Variants in FCAR observed in about 807,000 individuals in gnomAD.
The protein encoded by FCAR is immunoglobulin alpha Fc receptor.
A neutral mutation model predicts 27.1 loss-of-function variants in FCAR; 21 were observed. That is an observed-to-expected ratio of 0.77 (90% CI 0.55 to 1.11). The LOEUF (loss-of-function observed/expected upper bound fraction) is 1.11. Ranked by LOEUF, FCAR falls within the 50% of genes most tolerant of loss-of-function variation. The pLI is 0.00. For synonymous variants in FCAR, 134 were observed against 135.8 expected (o/e 0.99, Z 0.09); for missense variants, 404 against 358.4 (o/e 1.13, Z -1.03).
Position 54,887,913 on chromosome 19 carries a change from A to T in FCAR, c.362-94A>T, listed in dbSNP as rs931873662. The T allele has an allele frequency of 7.8e-6, 8 of 1,032,244 alleles. No individual in the cohort carries two copies. The African/African-American group carries it at 1.3e-4, about 17-fold the overall frequency. 63.9% of individuals were successfully genotyped at this position (1,032,244 alleles called of 1,614,324 possible). ...GCTTGGGCAATAAGAGCGAAACTCC[A>T]TCTCAAAAAAATATATAATAATAAC... On this transcript the variant is annotated intron_variant, in intron 3 of 4. Coordinates refer to ENST00000355524, the MANE Select transcript of FCAR (RefSeq NM_002000.4).
At chr19:54,874,354 G>T in intron 1 of FCAR, 31 bp downstream of exon 1, 1 of 1,610,672 alleles carries the variant, frequency 6.2e-7, no homozygotes, top group Non-Finnish European at 8.5e-7. Flanking sequence ...GGGTTAGAGG[G>T]GAAGATAGAG....
intron 2 of FCAR, among the ~76,000 whole-genome samples, chr19:54,883,576 C>T (rs1003696790): frequency 1.3e-5 from 2 of 152,308 alleles, no homozygotes; most frequent in East Asian, 1.9e-4. Context: ...GGGCTCCTCA[C>T]GGCTTGGTCG....
Position 54,875,335 on chromosome 19 carries a change from T to C in FCAR, c.40T>C (p.Cys14Arg), listed in dbSNP as rs1301526780. 6.2e-7 allele frequency: 1 copy of C among 1,613,820 alleles called. No individual in the cohort carries two copies. Among genetic ancestry groups the C allele is most frequent in the Non-Finnish European group, 8.5e-7 (1 of 1,179,834 alleles). ...KQTTLLCLVL[C>R]LGQRIQAQEG... ...CATAAATCTCTCTCTTCCAGTGCTCTGTCTGGGCCAGAGGATTCAGGCACA... is the reference window on the plus strand; with the variant it reads ...CATAAATCTCTCTCTTCCAGTGCTCCGTCTGGGCCAGAGGATTCAGGCACA... The change falls in exon 2 of 5, where the codon TGT becomes CGT. Residue 14 changes from cysteine to arginine, a missense_variant. Coordinates refer to ENST00000355524, the MANE Select transcript of FCAR (RefSeq NM_002000.4).
At chr19:54,885,118 TA>T in intron 2 of FCAR, 116 bp from the exon 3 acceptor site, 2 of 946,886 alleles carry the variant, frequency 2.1e-6, no homozygotes, top group Non-Finnish European at 3.1e-6. Flanking sequence ...AATTTTTTTT[TA>T]AATAAAGAAT....
chr19:54,874,236 T>C lies in FCAR; in HGVS notation c.-54T>C, dbSNP rs2065966660. 13 of 1,602,760 alleles carry C rather than the reference T, an allele frequency of 8.1e-6. No homozygotes were observed. Among genetic ancestry groups the C allele is most frequent in the Non-Finnish European group, 1.0e-5 (12 of 1,170,582 alleles). ...CTTATTGTCGTAAGAATATCTGTCA[T>C]CCTGCTAATGTGCATTGAAAGGAGA... On this transcript the variant is annotated 5_prime_UTR_variant, in exon 1 of 5. Transcript: ENST00000355524.
At chr19:54,883,476 C>A (rs1207319210) in intron 2 of FCAR, among the ~76,000 whole-genome samples, 1 of 152,122 alleles carries the variant, frequency 6.6e-6, no homozygotes, top group East Asian at 1.9e-4. Context: ...TGTATCCTTC[C>A]CCGGCCAGCC....
chr19:54,889,930 A>G lies in FCAR; in HGVS notation c.*67A>G, dbSNP rs935331665. On this transcript the variant is annotated 3_prime_UTR_variant, in exon 5 of 5. Coordinates refer to ENST00000355524, the MANE Select transcript of FCAR (RefSeq NM_002000.4). ...TCCGACAAAGCTACTTGAAGGACAC[A>G]AGAGAGAAAAGCTCACTAAGAAGCT... 2 of 1,154,938 alleles carry G rather than the reference A, an allele frequency of 1.7e-6. No individual in the cohort carries two copies. Among genetic ancestry groups the G allele is most frequent in the South Asian group, 1.3e-5 (1 of 76,490 alleles). The allele number at this position is 1,154,938 out of a possible 1,614,324, so 71.5% of individuals were successfully genotyped here. A position where few individuals can be genotyped will look rare whatever the true frequency, so the allele number is the denominator to read the frequency against.
At chr19:54,875,181 A>T in intron 1 of FCAR, 149 bp from the exon 2 acceptor site, 1 of 647,846 alleles carries the variant, frequency 1.5e-6, no homozygotes. Context: ...AAAAAAAAAA[A>T]AAAATGCCAG....
At chr19:54,879,553 G>T (rs2066291825) in intron 2 of FCAR, among the ~76,000 whole-genome samples, 1 of 152,136 alleles carries the variant, frequency 6.6e-6, no homozygotes, top group Non-Finnish European at 1.5e-5. Flanking sequence ...CTTTTCATAA[G>T]AACATTAAAT....
At chr19:54,882,423 C>CTTTTTTTTTTTTTT (rs1201630458) in intron 2 of FCAR, among the ~76,000 whole-genome samples, 1 of 69,548 alleles carries the variant, frequency 1.4e-5, no homozygotes. Context: ...TGTGTTGATT[C>CTTTTTTTTTTTTTT]TTTTTTTTTT....
intron 2 of FCAR, among the ~76,000 whole-genome samples, chr19:54,883,957 A>G (rs2145894643): frequency 6.6e-6 from 1 of 152,208 alleles, no homozygotes; most frequent in South Asian, 2.1e-4. Context: ...ACTTCATCTC[A>G]ACAAAAAAAG....
In FCAR at chr19:54,888,042, G is replaced by T. The variant is rs2066847957; in HGVS notation, c.397G>T (p.Gly133Cys). 1 of 1,613,894 alleles carries T rather than the reference G, an allele frequency of 6.2e-7. No homozygotes were observed. The highest frequency in any genetic ancestry group is 1.7e-5 in the Admixed American group (1 of 59,982). ...CAAACCCTTCCTCTCTGCAGATCGG[G>T]GTCTGGTGTTGATGCCAGGAGAGAA... ...YGKPFLSADR[G>C]LVLMPGENIS... The change falls in exon 4 of 5, where the codon GGT becomes TGT. Residue 133 changes from glycine to cysteine, a missense_variant. Coordinates refer to ENST00000355524, the MANE Select transcript of FCAR (RefSeq NM_002000.4).
rs1337121668 is a variant in FCAR, at chr19:54,878,944, T to C, written c.70+3579T>C. ...CCCAGGCTGGAGTGCAGTGGTATGATCTTGACTCACTGCAACTTCTGCCTC... is the reference window on the plus strand; with the variant it reads ...CCCAGGCTGGAGTGCAGTGGTATGACCTTGACTCACTGCAACTTCTGCCTC... On this transcript the variant is annotated intron_variant, in intron 2 of 4. Coordinates refer to ENST00000355524, the MANE Select transcript of FCAR (RefSeq NM_002000.4). 4.0e-5 allele frequency among the ~76,000 whole-genome samples: 6 copies of C among 148,638 alleles called. No individual in the cohort carries two copies. The East Asian group carries it at 1.2e-3, about 30-fold the overall frequency.
At chr19:54,885,974 C>T (rs1265936773) in intron 3 of FCAR, among the ~76,000 whole-genome samples, 3 of 151,352 alleles carry the variant, frequency 2.0e-5, no homozygotes, top group African/African-American at 7.3e-5. Flanking sequence ...TCGCTGGGCG[C>T]GGTGGCTCAC....
intron 2 of FCAR, chr19:54,880,931 T>G (rs1348051462): frequency 6.6e-6 from 1 of 152,200 alleles, no homozygotes; most frequent in Non-Finnish European, 1.5e-5. Flanking sequence ...TTCCTCATGA[T>G]TGCCGCTGTG....
intron 2 of FCAR, among the ~76,000 whole-genome samples, chr19:54,878,116 AC>A (rs1353326402): frequency 2.6e-5 from 4 of 151,994 alleles, no homozygotes; most frequent in Non-Finnish European, 5.9e-5. Flanking sequence ...ACGGGGTTTC[AC>A]TGCGTTAGCC....
chr19:54,875,081 G>C (rs2066016689), intron 1 of FCAR, among the ~76,000 whole-genome samples: 1 of 151,738 alleles, frequency 6.6e-6, no homozygotes, highest in Non-Finnish European at 1.5e-5. Context: ...TGAGGCAGGA[G>C]AATGGCATGA....
chr19:54,881,187 G>A (rs937921502), intron 2 of FCAR, among the ~76,000 whole-genome samples: 15 of 152,226 alleles, frequency 9.9e-5, no homozygotes, highest in African/African-American at 3.6e-4. Flanking sequence ...TGAGCCAAGA[G>A]TGAGGCGACT....
intron 2 of FCAR, 75 bp from the exon 3 acceptor site, chr19:54,885,160 A>C: frequency 7.7e-7 from 1 of 1,301,744 alleles, no homozygotes; most frequent in Non-Finnish European, 1.1e-6. Context: ...ATGTATTTTT[A>C]CTTCTCCCAC....
Sources: gnomAD v4.1 joint callset for allele counts (sites outside exome capture counted in the v4.1 genomes callset) on GRCh38, gnomAD v4.1.1 for gene constraint, MANE v1.5 for transcripts, NCBI Gene and HGNC (gene_info 2026-07-23, HGNC 2026-07-21) for gene names.